PAK4: variants seen among roughly 807,000 people sequenced by gnomAD.
PAK4 encodes serine/threonine-protein kinase PAK 4.
PAK4 carries 49 observed loss-of-function variants against 53.5 expected under a neutral mutation model. That is an observed-to-expected ratio of 0.92 (90% CI 0.73 to 1.16). The LOEUF is 1.16. PAK4 is among the 50% of genes most tolerant of loss of function. The pLI is 0.00. For synonymous variants in PAK4, 376 were observed against 375.6 expected (o/e 1.00, Z -0.01); for missense variants, 824 against 850.7 (o/e 0.97, Z 0.39).
intron 8 of PAK4, 31 bp downstream of exon 9, chr19:39,177,840 G>C: frequency 6.3e-7 from 1 of 1,586,230 alleles, no homozygotes; most frequent in Non-Finnish European, 8.6e-7. Context: ...GAAACTGTGC[G>C]CCAGCTGGCG....
intron 1 of PAK4, among the ~76,000 whole-genome samples, chr19:39,129,875 AG>A (rs1220390518): frequency 2.0e-5 from 3 of 152,198 alleles, no homozygotes; most frequent in African/African-American, 7.2e-5. Context: ...GGAGGGAGGC[AG>A]GGAGGACGGA....
At position 39,160,677 on chromosome 19, in the gene PAK4, T is replaced by TGAGGTTTGC. The variant is rs1239951774; in HGVS notation, c.-22-8848_-22-8840dup. ...GCTGGAGAGAAGCGAGGGGAGGAGA[T>TGAGGTTTGC]GAGGTTTGCGAGGTTGGCAGGGCCC... On this transcript the variant is annotated intron_variant, in intron 1 of 8. Coordinates refer to ENST00000358301, the Ensembl canonical transcript of PAK4. Among the ~76,000 whole-genome samples, 9 of 151,980 alleles carry TGAGGTTTGC rather than the reference T, an allele frequency of 5.9e-5. No homozygotes were observed. In the Middle Eastern group the frequency reaches 0.01, roughly 173 times the overall value.
In PAK4 at chr19:39,161,998, C is replaced by T. The variant is rs1409072500; in HGVS notation, c.-22-7534C>T. Among the ~76,000 whole-genome samples, 1 of 152,098 alleles carries T rather than the reference C, an allele frequency of 6.6e-6. No individual in the cohort carries two copies. Among genetic ancestry groups the T allele is most frequent in the African/African-American group, 2.4e-5 (1 of 41,414 alleles). ...TTTGAGATGGAGTCTCACACTCTGT[C>T]GCCCAGGCTGGAGTGCAATGGTGCG... On this transcript the variant is annotated intron_variant, in intron 1 of 8. Transcript: ENST00000358301. This position sits in a 1 kb window ranked among gnomAD's most constrained non-coding sequence, Gnocchi z 4.5.
At chr19:39,174,731 C>T (rs1289020353) in intron 4 of PAK4, among the ~76,000 whole-genome samples, 200 bp from the exon 6 acceptor site, 6 of 152,176 alleles carry the variant, frequency 3.9e-5, no homozygotes, top group Non-Finnish European at 7.3e-5. Flanking sequence ...CAGGGGGGCG[C>T]GCCCCCAGAA....
At chr19:39,143,592 C>CAAAAAAAAAAAAAAAAAAAA (rs544304301) in intron 1 of PAK4, among the ~76,000 whole-genome samples, 2 of 20,442 alleles carry the variant, frequency 9.8e-5, no homozygotes, top group Non-Finnish European at 1.8e-4. Flanking sequence ...GACTCTGTCT[C>CAAAAAAAAAAAAAAAAAAAA]AAAAAAAAAA....
Position 39,173,442 on chromosome 19 carries a change from C to A in PAK4, c.663+66C>A. 1 of 1,379,230 alleles carries A rather than the reference C, an allele frequency of 7.3e-7. No individual in the cohort carries two copies. Among genetic ancestry groups the A allele is most frequent in the Non-Finnish European group, 9.7e-7 (1 of 1,026,738 alleles). The allele number at this position is 1,379,230 out of a possible 1,614,324, so 85.4% of individuals were successfully genotyped here. Reference sequence around the variant, plus strand: ...CCGTTGCTCCTCTGTCCCCACCTTCCAGCCCCGCCCCACCACCGTGCATCT... The same window carrying A: ...CCGTTGCTCCTCTGTCCCCACCTTCAAGCCCCGCCCCACCACCGTGCATCT... On this transcript the variant is annotated intron_variant, in intron 3 of 8. Coordinates refer to ENST00000358301, the Ensembl canonical transcript of PAK4. The surrounding 1 kb of genome is among the most constrained non-coding windows in gnomAD (Gnocchi z 6.9).
chr19:39,131,762 G>A (rs955242200), intron 1 of PAK4, among the ~76,000 whole-genome samples: 2 of 152,238 alleles, frequency 1.3e-5, no homozygotes, highest in African/African-American at 4.8e-5. Flanking sequence ...CCGAGGGGCA[G>A]TGGAACTTCC....
intron 7 of PAK4, among the ~76,000 whole-genome samples, chr19:39,177,159 G>T (rs369955392): frequency 2.6e-5 from 4 of 152,194 alleles, no homozygotes; most frequent in Non-Finnish European, 5.9e-5. Flanking sequence ...GAGCCACCGC[G>T]CCCAGCCTTG....
intron 1 of PAK4, among the ~76,000 whole-genome samples, chr19:39,159,283 C>T (rs916505131): frequency 2.0e-5 from 3 of 152,200 alleles, no homozygotes; most frequent in African/African-American, 7.2e-5. Context: ...AGGCCCTGTC[C>T]TCGTGGGGCT....
chr19:39,167,794 G>A (rs1239978101), intron 1 of PAK4, among the ~76,000 whole-genome samples: 1 of 152,234 alleles, frequency 6.6e-6, no homozygotes, highest in Non-Finnish European at 1.5e-5. Context: ...CAGGAAGGCA[G>A]CCTGAGCCGG....
At chr19:39,172,638 T>A (rs1272401937) in intron 2 of PAK4, among the ~76,000 whole-genome samples, 2 of 151,854 alleles carry the variant, frequency 1.3e-5, no homozygotes, top group African/African-American at 4.8e-5. Context: ...TCCACCAGTG[T>A]GAGGAACAGG....
In PAK4 at chr19:39,173,603, G is replaced by T; in HGVS notation, c.691G>T (p.Gly231Trp). 6.5e-7 allele frequency: 1 copy of T among 1,529,882 alleles called. No homozygotes were observed. Among genetic ancestry groups the T allele is most frequent in the Non-Finnish European group, 8.8e-7 (1 of 1,141,124 alleles). The allele number at this position is 1,529,882 out of a possible 1,614,324, so 94.8% of individuals were successfully genotyped here. A position where few individuals can be genotyped will look rare whatever the true frequency, so the allele number is the denominator to read the frequency against. ...GGAGCCTCATGACGTGGCCCCTAAC[G>T]GGCCATCAGCGGGGGGCCTGGCCAT... Residue 231 changes from glycine to tryptophan, a missense_variant, in exon 4 of 9, where the codon GGG (glycine) becomes TGG (tryptophan). Physicochemically the swap from Gly to Trp is radical, Grantham distance 184. This residue lies in a region of PAK4 where 478 missense variants were observed against 435.8 expected (regional missense o/e 1.10). Transcript: ENST00000358301. This position sits in a 1 kb window ranked among gnomAD's most constrained non-coding sequence, Gnocchi z 6.9.
exon 2 of PAK4, chr19:39,169,638 G>A (rs764564188): frequency 1.2e-5 from 20 of 1,613,476 alleles, no homozygotes; most frequent in African/African-American, 9.3e-5. Context: ...CGACCAGCAC[G>A]AGCAGAAGTT....
chr19:39,165,252 C>T (rs1273750022), intron 1 of PAK4, among the ~76,000 whole-genome samples: 2 of 144,150 alleles, frequency 1.4e-5, no homozygotes, highest in Non-Finnish European at 3.0e-5. Context: ...CCTGTAATCC[C>T]AGCATTTTGG....
chr19:39,181,015 A>G (rs1167557536), downstream of PAK4: 1 of 152,244 alleles, frequency 6.6e-6, no homozygotes, highest in Non-Finnish European at 1.5e-5. Context: ...TCGCCCAGCC[A>G]CATCTGTGAC....
Position 39,129,055 on chromosome 19 carries a change from C to A in PAK4, c.-23+3136C>A, listed in dbSNP as rs770974385. On this transcript the variant is annotated intron_variant, in intron 1 of 8. Coordinates refer to ENST00000358301, the Ensembl canonical transcript of PAK4. Reference sequence around the variant, plus strand: ...GTGTCACCATAAACATGCCTTTCTGCAAGTTGCTGTTTTTGTTCAACATTA... The same window carrying A: ...GTGTCACCATAAACATGCCTTTCTGAAAGTTGCTGTTTTTGTTCAACATTA... 5.1e-4 allele frequency among the ~76,000 whole-genome samples: 78 copies of A among 152,298 alleles called. 1 individual carries two copies. Among genetic ancestry groups the A allele is most frequent in the Non-Finnish European group, 6.8e-4 (46 of 68,032 alleles).
chr19:39,147,170 G>T (rs2074015043), intron 1 of PAK4, among the ~76,000 whole-genome samples: 1 of 151,872 alleles, frequency 6.6e-6, no homozygotes, highest in Non-Finnish European at 1.5e-5. Context: ...CCCTTCCCCT[G>T]CCCATCCCTA....
chr19:39,165,539 T>TAAAC (rs2074360086), intron 1 of PAK4, among the ~76,000 whole-genome samples: 1 of 133,414 alleles, frequency 7.5e-6, no homozygotes, highest in Non-Finnish European at 1.7e-5. Flanking sequence ...AATAAATAAA[T>TAAAC]AAATAAATAA....
chr19:39,164,042 T>A (rs1449555367), intron 1 of PAK4, among the ~76,000 whole-genome samples: 2 of 152,134 alleles, frequency 1.3e-5, no homozygotes, highest in African/African-American at 4.8e-5. Context: ...TTTGGGAGGC[T>A]GAGGCAGGTG....
Sources: allele counts gnomAD v4.1 joint callset (sites outside exome capture counted in the v4.1 genomes callset), GRCh38; gene constraint gnomAD v4.1.1; regional missense constraint gnomAD v4.1.1; non-coding constraint Gnocchi (gnomAD v3.1); transcripts MANE v1.5; gene names NCBI Gene and HGNC (gene_info 2026-07-23, HGNC 2026-07-21).